ANKFN1: variants seen among roughly 807,000 people sequenced by gnomAD.
ANKFN1 encodes the protein ankyrin repeat and fibronectin type III domain containing 1.
Under a neutral mutation model 108.7 loss-of-function variants are expected in ANKFN1, and 74 were observed. The observed-to-expected ratio is 0.68, with a 90% confidence interval of 0.56 to 0.83. The LOEUF (loss-of-function observed/expected upper bound fraction) is 0.83, where lower values mean the gene tolerates loss of function less well. Ranked by LOEUF, ANKFN1 falls within the 40% of genes least tolerant of loss-of-function variation. The pLI, the probability that ANKFN1 is intolerant of heterozygous loss-of-function variation, is 0.00. For synonymous variants in ANKFN1, 547 were observed against 516.2 expected, an observed-to-expected ratio of 1.06 and a Z score of -0.81; for missense variants, 1,505 against 1,382.3, an observed-to-expected ratio of 1.09 and a Z score of -1.41.
At chr17:56,261,977 A>T (rs923457133) in intron 3 of ANKFN1, among the ~76,000 whole-genome samples, 1 of 152,222 alleles carries the variant, frequency 6.6e-6, no homozygotes, top group Non-Finnish European at 1.5e-5. Context: ...AAGGGCCATG[A>T]TTCTAGATGG....
chr17:56,068,259 A>G (rs909866728), intron 4 of ANKFN1, among the ~76,000 whole-genome samples: 6 of 152,054 alleles, frequency 3.9e-5, no homozygotes, highest in Admixed American at 1.3e-4. Context: ...TCACACTCCA[A>G]TGAGTGGTTA....
chr17:56,133,972 A>G (rs1364713269), intron 4 of ANKFN1, among the ~76,000 whole-genome samples: 3 of 152,144 alleles, frequency 2.0e-5, no homozygotes, highest in Non-Finnish European at 4.4e-5. Flanking sequence ...CCTCAGTTCT[A>G]TAAGACTTAC....
intron 8 of ANKFN1, among the ~76,000 whole-genome samples, chr17:56,398,805 T>C (rs2047665788): frequency 6.6e-6 from 1 of 152,116 alleles, no homozygotes; most frequent in Non-Finnish European, 1.5e-5. Context: ...AGTATTACTG[T>C]CCCAGCTGCC....
intron 3 of ANKFN1, among the ~76,000 whole-genome samples, chr17:56,298,192 C>T (rs1315614466): frequency 6.6e-6 from 1 of 152,066 alleles, no homozygotes; most frequent in Non-Finnish European, 1.5e-5. Context: ...TGATATAGAG[C>T]CCAAATCAAT....
At position 56,064,443 on chromosome 17, in the gene ANKFN1, C is replaced by G. The variant is rs1011722384; in HGVS notation, c.288+18118C>G. ...AGCCTCTGGCTGGAGTTATCGGAGT[C>G]CCTGCAGGGAAGCCCTGCCCAGTGA... On this transcript the variant is annotated intron_variant, in intron 4 of 12. Coordinates refer to the ANKFN1 transcript ENST00000635860. 6.6e-5 allele frequency among the ~76,000 whole-genome samples: 10 copies of G among 152,310 alleles called. 1 individual carries two copies. The highest frequency in any genetic ancestry group is 6.5e-4 in the Admixed American group (10 of 15,306).
Position 56,514,066 on chromosome 17 carries a change from G to A in ANKFN1, c.*2797G>A, listed in dbSNP as rs2051848196. Among the ~76,000 whole-genome samples the A allele has an allele frequency of 6.6e-6, 1 of 151,970 alleles. No individual in the cohort carries two copies. The highest frequency in any genetic ancestry group is 2.4e-5 in the African/African-American group (1 of 41,364). ...TATTTTGTTTTATTTTATTGTTTTT[G>A]TTTTGTTTAATTTTGGATACAATGG... On this transcript the variant is annotated 3_prime_UTR_variant, in exon 21 of 21. Transcript: ENST00000682825.
At chr17:56,342,277 G>T (rs2045979745) in intron 4 of ANKFN1, among the ~76,000 whole-genome samples, 1 of 146,666 alleles carries the variant, frequency 6.8e-6, no homozygotes, top group Non-Finnish European at 1.5e-5. Context: ...TCTTTTGAAT[G>T]GTTTTTCATG....
At chr17:56,260,681 CA>C (rs144102690) in intron 3 of ANKFN1, among the ~76,000 whole-genome samples, 20 of 151,724 alleles carry the variant, frequency 1.3e-4, no homozygotes, top group Non-Finnish European at 2.2e-4. Flanking sequence ...CCATAATGTT[CA>C]AAAAAAATAG....
chr17:56,262,350 G>A (rs1019932510), intron 3 of ANKFN1, among the ~76,000 whole-genome samples: 7 of 152,262 alleles, frequency 4.6e-5, no homozygotes, highest in South Asian at 2.1e-4. Context: ...TCAATCCGTC[G>A]CAGCCACCCA....
chr17:56,239,928 GTGAATAGAAAAACATAATGA>G (rs1917455882), intron 3 of ANKFN1, among the ~76,000 whole-genome samples: 1 of 152,090 alleles, frequency 6.6e-6, no homozygotes, highest in Non-Finnish European at 1.5e-5. Context: ...TTCGGGAGCT[GTGAATAGAAAAACATAATGA>G]TTGACATTTT....
intron 4 of ANKFN1, among the ~76,000 whole-genome samples, chr17:56,116,738 C>A (rs1238415347): frequency 2.0e-5 from 3 of 152,086 alleles, no homozygotes; most frequent in Non-Finnish European, 4.4e-5. Flanking sequence ...TATAAATTAC[C>A]CAGTCTCAGG....
intron 4 of ANKFN1, among the ~76,000 whole-genome samples, chr17:56,067,712 A>T (rs1905076826): frequency 6.6e-6 from 1 of 152,212 alleles, no homozygotes; most frequent in South Asian, 2.1e-4. Context: ...AAAGCTTTTG[A>T]AGTAATTTGA....
chr17:56,057,605 G>A (rs1904901816), intron 4 of ANKFN1, among the ~76,000 whole-genome samples: 1 of 152,066 alleles, frequency 6.6e-6, no homozygotes, highest in South Asian at 2.1e-4. Context: ...GGCCAACATG[G>A]TCAAAACCAG....
chr17:56,117,878 C>G (rs564077985), intron 4 of ANKFN1, among the ~76,000 whole-genome samples: 2 of 152,224 alleles, frequency 1.3e-5, no homozygotes, highest in African/African-American at 4.8e-5. Flanking sequence ...TATTAGCAGT[C>G]CCTATCCATC....
At chr17:56,360,739 A>G (rs893479683) in intron 6 of ANKFN1, among the ~76,000 whole-genome samples, 4 of 152,182 alleles carry the variant, frequency 2.6e-5, no homozygotes, top group African/African-American at 9.7e-5. Context: ...AGATGGCCAA[A>G]ACCTAAGTTC....
intron 4 of ANKFN1, among the ~76,000 whole-genome samples, chr17:56,140,406 C>T (rs1273434204): frequency 6.6e-6 from 1 of 152,162 alleles, no homozygotes; most frequent in East Asian, 1.9e-4. Context: ...ATAAGATCAA[C>T]CATCCGAAAG....
chr17:56,118,868 G>C lies in ANKFN1; in HGVS notation c.288+72543G>C, dbSNP rs1906434464. ...GTCCTTAATGGATTTGTAATCTATTGATTTGAAAGATATTTAAGAAATGAA... is the reference window on the plus strand; with the variant it reads ...GTCCTTAATGGATTTGTAATCTATTCATTTGAAAGATATTTAAGAAATGAA... On this transcript the variant is annotated intron_variant, in intron 4 of 12. Coordinates refer to the ANKFN1 transcript ENST00000635860. Among the ~76,000 whole-genome samples the C allele has an allele frequency of 3.3e-5, 5 of 152,218 alleles. No homozygotes were observed. The South Asian group carries it at 8.3e-4, about 25-fold the overall frequency.
At chr17:56,050,744 T>C (rs1209166618) in intron 4 of ANKFN1, among the ~76,000 whole-genome samples, 3 of 152,108 alleles carry the variant, frequency 2.0e-5, no homozygotes, top group Non-Finnish European at 2.9e-5. Flanking sequence ...TCTGTTCCAT[T>C]GATCTATATC....
At chr17:56,302,846 T>C (rs2044713450) in intron 3 of ANKFN1, among the ~76,000 whole-genome samples, 1 of 152,230 alleles carries the variant, frequency 6.6e-6, no homozygotes, top group South Asian at 2.1e-4. Flanking sequence ...TGTCAAGTAA[T>C]ACATACCTAC....
Sources: allele counts gnomAD v4.1 joint callset (sites outside exome capture counted in the v4.1 genomes callset), GRCh38; gene constraint gnomAD v4.1.1; transcripts MANE v1.5; gene names NCBI Gene and HGNC (gene_info 2026-07-23, HGNC 2026-07-21).